The following LIN7A variants were observed in gnomAD, a reference collection of about 807,000 sequenced individuals.
LIN7A encodes the protein lin-7 cell polarity scaffold A, also known as protein lin-7 homolog A.
In LIN7A, 25 loss-of-function variants were observed where a neutral mutation model predicts 29.8. The observed-to-expected ratio is 0.84, with a 90% CI of 0.61 to 1.17. LIN7A has a LOEUF of 1.17. LIN7A is among the 50% of genes most tolerant of loss of function. The pLI is 0.00. For synonymous variants in LIN7A, 118 were observed against 107.5 expected (o/e 1.10, Z -0.60); for missense variants, 239 against 287.0 (o/e 0.83, Z 1.21).
intron 5 of LIN7A, among the ~76,000 whole-genome samples, chr12:80,809,912 T>C (rs1239571176): frequency 6.6e-6 from 1 of 152,208 alleles, no homozygotes; most frequent in Non-Finnish European, 1.5e-5. Context: ...ATTTTATATA[T>C]TTATGGATTA....
At chr12:80,807,092 G>GTTTTTGTTTTTTTTT (rs1280579757) in intron 5 of LIN7A, among the ~76,000 whole-genome samples, 3 of 12,554 alleles carry the variant, frequency 2.4e-4, no homozygotes, top group South Asian at 1.5e-3. Flanking sequence ...TTTTTTTTTT[G>GTTTTTGTTTTTTTTT]ACGGAGTCTC....
chr12:80,874,853 G>A (rs1045144976), intron 2 of LIN7A, among the ~76,000 whole-genome samples: 13 of 151,998 alleles, frequency 8.6e-5, no homozygotes, highest in African/African-American at 2.4e-4. Context: ...GCATTGTGGC[G>A]GGCGCCTGTA....
intron 2 of LIN7A, among the ~76,000 whole-genome samples, chr12:80,853,033 A>G (rs1873408831): frequency 6.6e-6 from 1 of 152,180 alleles, no homozygotes; most frequent in Non-Finnish European, 1.5e-5. Flanking sequence ...TACAGATGTC[A>G]GTTCTGATTA....
chr12:80,856,254 C>G (rs1222655557), intron 2 of LIN7A, among the ~76,000 whole-genome samples: 1 of 152,156 alleles, frequency 6.6e-6, no homozygotes, highest in Non-Finnish European at 1.5e-5. Flanking sequence ...CTGCAGCCAT[C>G]AACTTCGATG....
chr12:80,811,516 C>A lies in LIN7A; in HGVS notation c.651G>T (p.Gln217His), dbSNP rs749422259. 7.5e-6 allele frequency: 12 copies of A among 1,607,410 alleles called. No homozygotes were observed. Among genetic ancestry groups the A allele is most frequent in the Non-Finnish European group, 1.0e-5 (12 of 1,176,110 alleles). ...RRRQQQQLLIQQQQQQQQQQT... is the reference protein window; with the variant it reads ...RRRQQQQLLIHQQQQQQQQQT... ...GTTGCTGCTGCTGCTGTTGCTGCTG[C>A]TGAATTAGCAATTGCTGCTGCTGCC... Residue 217 changes from glutamine (Q) to histidine (H), a missense_variant, in exon 5 of 6, where the codon CAG becomes CAT. Gln to His is a conservative substitution (Grantham distance 24). Coordinates refer to ENST00000552864, the MANE Select transcript of LIN7A (RefSeq NM_004664.4).
chr12:80,891,321 A>G (rs920149103), intron 1 of LIN7A, among the ~76,000 whole-genome samples: 1 of 152,234 alleles, frequency 6.6e-6, no homozygotes, highest in African/African-American at 2.4e-5. Flanking sequence ...CTGGCTTCCC[A>G]TTCCCTACAG....
intron 1 of LIN7A, among the ~76,000 whole-genome samples, chr12:80,900,237 C>T (rs1876141601): frequency 6.6e-6 from 1 of 152,064 alleles, no homozygotes; most frequent in South Asian, 2.1e-4. Flanking sequence ...GATCTTTTGT[C>T]TGGTTTTTCA....
chr12:80,867,022 T>G (rs1247504744), intron 2 of LIN7A, among the ~76,000 whole-genome samples: 1 of 152,112 alleles, frequency 6.6e-6, no homozygotes, highest in African/African-American at 2.4e-5. Context: ...GATGCTGTCA[T>G]AGCTCACTGC....
intron 5 of LIN7A, among the ~76,000 whole-genome samples, chr12:80,807,395 G>A (rs118138354): frequency 6.6e-6 from 1 of 152,094 alleles, no homozygotes; most frequent in Non-Finnish European, 1.5e-5. Flanking sequence ...AATTAAGATG[G>A]ATGGAACTGA....
chr12:80,834,965 A>G (rs1872541348), intron 4 of LIN7A, among the ~76,000 whole-genome samples: 1 of 152,152 alleles, frequency 6.6e-6, no homozygotes. Context: ...GTTCCTCCCA[A>G]GTTAGGATTA....
chr12:80,895,204 T>A (rs546415254), intron 1 of LIN7A, among the ~76,000 whole-genome samples: 2 of 152,348 alleles, frequency 1.3e-5, no homozygotes, highest in South Asian at 4.1e-4. Context: ...CACATCATCA[T>A]CAACTGCCTG....
At chr12:80,931,149 T>TA (rs1353938891) in intron 1 of LIN7A, among the ~76,000 whole-genome samples, 3 of 152,206 alleles carry the variant, frequency 2.0e-5, no homozygotes, top group Non-Finnish European at 4.4e-5. Flanking sequence ...ACTTAAGAGC[T>TA]AGGCCTTAGT....
At chr12:80,813,418 T>C (rs1280646932) in intron 4 of LIN7A, among the ~76,000 whole-genome samples, 6 of 152,186 alleles carry the variant, frequency 3.9e-5, no homozygotes. Flanking sequence ...TAACAAAAAC[T>C]GGTGAAATTT....
chr12:80,856,433 C>T (rs554909041), intron 2 of LIN7A, among the ~76,000 whole-genome samples: 50 of 152,280 alleles, frequency 3.3e-4, no homozygotes, highest in African/African-American at 1.1e-3. Context: ...TACCAGTTGA[C>T]AAACTCTAGG....
chr12:80,869,567 C>T (rs909981982), intron 2 of LIN7A, among the ~76,000 whole-genome samples: 12 of 152,018 alleles, frequency 7.9e-5, no homozygotes, highest in Non-Finnish European at 1.8e-4. Flanking sequence ...TTTTATCACA[C>T]CTCAGGAGAC....
chr12:80,870,229 A>T (rs1198564018), intron 2 of LIN7A, among the ~76,000 whole-genome samples: 2 of 152,336 alleles, frequency 1.3e-5, no homozygotes, highest in East Asian at 3.9e-4. Flanking sequence ...ATATTATAAA[A>T]AGCTGGTCCT....
Position 80,894,256 on chromosome 12 carries a change from C to T in LIN7A, c.83-4887G>A, listed in dbSNP as rs115584063. On this transcript the variant is annotated intron_variant, in intron 1 of 5. Transcript: ENST00000552864. ...ATTTGATTAGTAACAGAGAAGTTTGCGTTTACTGGTATAACTCAGATCAAG... is the reference window on the plus strand; with the variant it reads ...ATTTGATTAGTAACAGAGAAGTTTGTGTTTACTGGTATAACTCAGATCAAG... 7.7e-3 allele frequency among the ~76,000 whole-genome samples: 1,166 copies of T among 152,158 alleles called. 18 individuals carry two copies. The highest frequency in any genetic ancestry group is 0.026 in the African/African-American group (1,067 of 41,492).
chr12:80,823,478 G>C (rs1260128175), intron 4 of LIN7A, among the ~76,000 whole-genome samples: 2 of 152,230 alleles, frequency 1.3e-5, no homozygotes, highest in Non-Finnish European at 2.9e-5. Flanking sequence ...CCAGCACCTA[G>C]AGCTGCCCAC....
chr12:80,859,461 T>C lies in LIN7A; in HGVS notation c.202-11139A>G, dbSNP rs552332831. Among the ~76,000 whole-genome samples the C allele has an allele frequency of 5.3e-4, 81 of 152,310 alleles. 2 individuals carry two copies. In the South Asian group the frequency reaches 0.015, roughly 28 times the overall value. ...CAGAGGGAAAATGTACGCTATAAAATATAATTTGTGAGTTATTTCTTTGTC... is the reference window on the plus strand; with the variant it reads ...CAGAGGGAAAATGTACGCTATAAAACATAATTTGTGAGTTATTTCTTTGTC... On this transcript the variant is annotated intron_variant, in intron 2 of 5. Coordinates refer to ENST00000552864, the MANE Select transcript of LIN7A (RefSeq NM_004664.4).
Sources: allele counts gnomAD v4.1 joint callset (sites outside exome capture counted in the v4.1 genomes callset), GRCh38; gene constraint gnomAD v4.1.1; transcripts MANE v1.5; gene names NCBI Gene and HGNC (gene_info 2026-07-23, HGNC 2026-07-21).